The following NCAPD3 variants were observed in gnomAD, a reference collection of about 807,000 sequenced individuals.
NCAPD3 encodes the protein condensin-2 complex subunit D3.
In NCAPD3, 105 loss-of-function variants were observed where a neutral mutation model predicts 182.9. The observed-to-expected ratio is 0.57, with a 90% CI of 0.49 to 0.68. The LOEUF (loss-of-function observed/expected upper bound fraction) is 0.68. Among genes scored for constraint, NCAPD3 ranks in the 30% least tolerant of loss-of-function variants. The pLI, the probability that NCAPD3 is intolerant of heterozygous loss-of-function variation, is 0.00. For synonymous variants in NCAPD3, 815 were observed against 679.9 expected (o/e 1.20, Z -3.09); for missense variants, 1,944 against 1,837.0 (o/e 1.06, Z -1.07).
At chr11:134,184,834 C>T (rs1326943863) in intron 18 of NCAPD3, 69 bp downstream of exon 18, 7 of 1,379,062 alleles carry the variant, frequency 5.1e-6, no homozygotes, top group African/African-American at 1.4e-5. Flanking sequence ...CACACACACA[C>T]ACACACACAC....
At position 134,158,087 on chromosome 11, in the gene NCAPD3, C is replaced by A; in HGVS notation, c.4035-20G>T. The stretch of plus-strand genomic sequence containing the variant: ...ATGGGCCTGTGGAGAACAGCCACAG[C>A]CGCTGACTTTCTCACTGCAGACCAC... On this transcript the variant is annotated intron_variant, in intron 30 of 34. Coordinates refer to ENST00000534548, the MANE Select transcript of NCAPD3 (RefSeq NM_015261.3). The A allele has an allele frequency of 6.2e-7, 1 of 1,609,866 alleles. No homozygotes were observed. The highest frequency in any genetic ancestry group is 8.5e-7 in the Non-Finnish European group (1 of 1,177,670).
intron 19 of NCAPD3, among the ~76,000 whole-genome samples, chr11:134,183,449 T>G (rs928504360): frequency 1.3e-5 from 2 of 152,132 alleles, no homozygotes; most frequent in Non-Finnish European, 2.9e-5. Context: ...GTGCCTGTAA[T>G]CCCAGCTACT....
upstream of NCAPD3, chr11:134,224,326 G>A: frequency 3.3e-6 from 1 of 298,858 alleles, no homozygotes. Flanking sequence ...GCGTGTCAAA[G>A]GGCTGCCTTT....
chr11:134,217,215 T>C lies in NCAPD3; in HGVS notation c.220-117A>G, dbSNP rs961718354. Reference sequence around the variant, plus strand: ...AAAAAGAGGAATAGAGTAGCCTGGCTCCTACTGCTAAATGTTTACCATCTT... The same window carrying C: ...AAAAAGAGGAATAGAGTAGCCTGGCCCCTACTGCTAAATGTTTACCATCTT... On this transcript the variant is annotated intron_variant, in intron 2 of 34. Transcript: ENST00000534548. 2.3e-5 allele frequency: 20 copies of C among 853,498 alleles called. No individual in the cohort carries two copies. In the African/African-American group the frequency reaches 2.6e-4, roughly 11 times the overall value. 52.9% of individuals were successfully genotyped at this position (853,498 alleles called of 1,614,324 possible). A position where few individuals can be genotyped will look rare whatever the true frequency, so the allele number is the denominator to read the frequency against.
intron 29 of NCAPD3, 93 bp from the exon 30 acceptor site, chr11:134,158,588 T>C: frequency 7.4e-7 from 1 of 1,352,022 alleles, no homozygotes; most frequent in Admixed American, 2.1e-5. Context: ...GGGGTCCATA[T>C]GAGATTTTGA....
chr11:134,150,698 T>C lies in NCAPD3; in HGVS notation c.*2246A>G, dbSNP rs1943195515. 6.6e-6 allele frequency: 1 copy of C among 152,120 alleles called. No homozygotes were observed. The highest frequency in any genetic ancestry group is 2.1e-4 in the South Asian group (1 of 4,820). 9.4% of individuals were successfully genotyped at this position (152,120 alleles called of 1,614,324 possible). ...TAAGATTGTCTAAGGCCAAAGGCAA[T>C]TGCGAAATCAAGTCTGTCAAGTACA... On this transcript the variant is annotated 3_prime_UTR_variant, in exon 35 of 35. Transcript: ENST00000534548.
At position 134,204,136 on chromosome 11, in the gene NCAPD3, G is replaced by A. The variant is rs376426761; in HGVS notation, c.1125C>T (p.Ala375=). The A allele has an allele frequency of 6.2e-7, 1 of 1,613,970 alleles. No individual in the cohort carries two copies. Among genetic ancestry groups the A allele is most frequent in the South Asian group, 1.1e-5 (1 of 91,074 alleles). ...TACTGAGCAGCTGGACTAGGGACTG[G>A]GCTGCAAAAGTACGATACTCTGATT... is the stretch of plus-strand genomic sequence containing the variant. ...VDKSEYRTFA[A]QSLVQLLSKL... is the part of the protein sequence containing the mutation. Residue 375 remains alanine, a synonymous_variant, in exon 10 of 35, where the codon GCC becomes GCT. Coordinates refer to ENST00000534548, the MANE Select transcript of NCAPD3 (RefSeq NM_015261.3). The surrounding 1 kb of genome is among the most constrained non-coding windows in gnomAD (Gnocchi z 4.3).
chr11:134,221,942 T>C (rs769607020), intron 1 of NCAPD3, among the ~76,000 whole-genome samples: 1 of 152,248 alleles, frequency 6.6e-6, no homozygotes, highest in Non-Finnish European at 1.5e-5. Flanking sequence ...AATACAATTG[T>C]TTCTTTCCAA....
At position 134,223,954 on chromosome 11, in the gene NCAPD3, C is replaced by G. The variant is rs375883008; in HGVS notation, c.-28G>C. 2.1e-5 allele frequency: 33 copies of G among 1,608,284 alleles called. No individual in the cohort carries two copies. Among genetic ancestry groups the G allele is most frequent in the Non-Finnish European group, 2.7e-5 (32 of 1,178,366 alleles). On this transcript the variant is annotated 5_prime_UTR_variant, in exon 1 of 35. Transcript: ENST00000534548. ...TCCCAGGGCACCGGCTCGCCGCCGC[C>G]GTGCTCAACTTTCAAAGCTCGCTCC... is the stretch of plus-strand genomic sequence containing the variant.
chr11:134,162,929 G>A (rs1224559947), intron 27 of NCAPD3, among the ~76,000 whole-genome samples: 2 of 152,320 alleles, frequency 1.3e-5, no homozygotes, highest in South Asian at 2.1e-4. Context: ...AGGAGTGCAT[G>A]GCCATCTGAT....
upstream of NCAPD3, chr11:134,225,397 G>A (rs1349532554): frequency 6.3e-7 from 1 of 1,584,752 alleles, no homozygotes; most frequent in Non-Finnish European, 8.6e-7. Flanking sequence ...CGGCCGGGGA[G>A]CAGGGTGATT....
Position 134,158,467 on chromosome 11 carries a change from A to C in NCAPD3, c.3896T>G (p.Val1299Gly). The stretch of plus-strand genomic sequence containing the variant: ...GGCAGGGTTTTCTTGGCCAGCAGGA[A>C]CTGGCACTGTTTCTAAACACAGGGC... ...QVALCLETVP[V>G]PAGQENPAMS... The change falls in exon 30 of 35, where the codon GTT (valine) becomes GGT (glycine). Residue 1299 changes from valine (V) to glycine (G), a missense_variant. By Grantham distance (109) the Val-to-Gly change is moderately radical (BLOSUM62 -3). Coordinates refer to ENST00000534548, the MANE Select transcript of NCAPD3 (RefSeq NM_015261.3). The C allele has an allele frequency of 6.2e-7, 1 of 1,614,104 alleles. No individual in the cohort carries two copies. The highest frequency in any genetic ancestry group is 8.5e-7 in the Non-Finnish European group (1 of 1,180,028).
At chr11:134,196,371 C>T (rs1409434574) in intron 13 of NCAPD3, among the ~76,000 whole-genome samples, 6 of 152,022 alleles carry the variant, frequency 3.9e-5, no homozygotes, top group South Asian at 2.1e-4. Context: ...TGGCCAGGCG[C>T]GGTGGCTCAC....
intron 1 of NCAPD3, among the ~76,000 whole-genome samples, chr11:134,221,701 T>C (rs1052879508): frequency 6.6e-6 from 1 of 152,220 alleles, no homozygotes; most frequent in Admixed American, 6.5e-5. Flanking sequence ...TTTAGAGAAG[T>C]TGGGCAAGGT....
intron 1 of NCAPD3, chr11:134,223,035 AGT>A (rs1938295110): frequency 4.6e-6 from 1 of 216,972 alleles, no homozygotes; most frequent in African/African-American, 2.3e-5. Context: ...GAACAATCCA[AGT>A]GTGTCCGACT....
intron 23 of NCAPD3, 134 bp from the exon 24 acceptor site, chr11:134,176,520 C>G (rs1944171008): frequency 1.4e-6 from 1 of 700,662 alleles, no homozygotes; most frequent in South Asian, 1.7e-5. Context: ...ACTTCCAAAC[C>G]GTCGGAATGT....
chr11:134,164,605 G>T (rs953661345), intron 27 of NCAPD3, among the ~76,000 whole-genome samples: 23 of 151,840 alleles, frequency 1.5e-4, no homozygotes, highest in Middle Eastern at 6.9e-3. Flanking sequence ...GCTTAGGGGA[G>T]CTGCACACTC....
intron 27 of NCAPD3, among the ~76,000 whole-genome samples, chr11:134,165,887 C>G (rs991325297): frequency 1.8e-5 from 2 of 112,758 alleles, no homozygotes; most frequent in South Asian, 3.2e-4. Flanking sequence ...GTGAGATGAG[C>G]TTGGGGGAGG....
intron 27 of NCAPD3, among the ~76,000 whole-genome samples, chr11:134,164,070 CAG>C (rs1453084660): frequency 6.6e-6 from 1 of 152,024 alleles, no homozygotes; most frequent in Admixed American, 6.6e-5. Flanking sequence ...AAGATATGAT[CAG>C]AGTCTATATC....
Sources: allele counts gnomAD v4.1 joint callset (sites outside exome capture counted in the v4.1 genomes callset), GRCh38; gene constraint gnomAD v4.1.1; non-coding constraint Gnocchi (gnomAD v3.1); transcripts MANE v1.5; gene names NCBI Gene and HGNC (gene_info 2026-07-23, HGNC 2026-07-21).